Variants in DHRSX observed in about 807,000 individuals in gnomAD.
DHRSX encodes polyprenol dehydrogenase.
DHRSX carries 31 observed loss-of-function variants against 34.0 expected under a neutral mutation model. The observed-to-expected ratio is 0.91, with a 90% CI of 0.69 to 1.23. The LOEUF (loss-of-function observed/expected upper bound fraction) is 1.23. DHRSX is among the 50% of genes most tolerant of loss of function. DHRSX has a pLI of 0.00. For missense variants in DHRSX, 414 were observed against 428.1 expected (o/e 0.97, Z 0.29); for synonymous variants, 201 against 183.8 (o/e 1.09, Z -0.76).
Position 2,419,757 on chromosome X carries a change from G to A in DHRSX, c.217+5440C>T, listed in dbSNP as rs1470762327. Among the ~76,000 whole-genome samples the A allele has an allele frequency of 5.2e-5, 7 of 135,620 alleles. No homozygotes were observed. The South Asian group carries it at 7.0e-4, about 13-fold the overall frequency. 89.0% of individuals were successfully genotyped at this position (135,620 alleles called of 152,430 possible). A position where few individuals can be genotyped will look rare whatever the true frequency, so the allele number is the denominator to read the frequency against. On this transcript the variant is annotated intron_variant, in intron 2 of 6. Transcript: ENST00000334651. ...ACCGCATGTTCTCACTCATAGGTGG[G>A]AACTGAACAATGAGAACACATGGAC...
chrX:2,361,964 C>CAAGGAAGAA, intron 3 of DHRSX, among the ~76,000 whole-genome samples: 1 of 152,126 alleles, frequency 6.6e-6, no homozygotes, highest in African/African-American at 2.4e-5. Flanking sequence ...TCAATTAGTC[C>CAAGGAAGAA]TTTAATTTTC....
intron 1 of DHRSX, chrX:2,488,188 CTTT>C (rs1311421131): frequency 1.9e-5 from 3 of 159,254 alleles, no homozygotes; most frequent in African/African-American, 7.2e-5. Context: ...CTTGTGTCTT[CTTT>C]TTTCTTTTTG....
intron 3 of DHRSX, among the ~76,000 whole-genome samples, chrX:2,340,446 C>CTGTG (rs779075679): frequency 0.029 from 4,393 of 150,662 alleles, 224 homozygotes; most frequent in African/African-American, 0.1. Context: ...GTGCGTCTGT[C>CTGTG]TGTGTGTGTG....
intron 1 of DHRSX, among the ~76,000 whole-genome samples, chrX:2,496,266 T>C (rs1231453851): frequency 1.3e-5 from 2 of 152,236 alleles, no homozygotes; most frequent in African/African-American, 4.8e-5. Flanking sequence ...TGGCGCAATC[T>C]TGGCTGACTG....
At chrX:2,424,265 C>T (rs182130322) in intron 2 of DHRSX, among the ~76,000 whole-genome samples, 115 of 151,942 alleles carry the variant, frequency 7.6e-4, no homozygotes, top group African/African-American at 2.8e-3. Context: ...CTGTGGGAAA[C>T]TCAATGTCTG....
rs995887502 is a variant in DHRSX at position 2,358,430 on chromosome X, G to C, written c.286+50315C>G. 5.3e-5 allele frequency among the ~76,000 whole-genome samples: 8 copies of C among 152,254 alleles called. No homozygotes were observed. In the East Asian group the frequency reaches 1.3e-3, roughly 26 times the overall value. ...CACATGCAGCTGGCCGGGCGCGGTG[G>C]CTCACACCTGTCATCCCAGCACTTT... On this transcript the variant is annotated intron_variant, in intron 3 of 6. Coordinates refer to ENST00000334651, the MANE Select transcript of DHRSX (RefSeq NM_145177.3).
intron 2 of DHRSX, among the ~76,000 whole-genome samples, chrX:2,421,656 A>G (rs2043781758): frequency 6.6e-6 from 1 of 152,128 alleles, no homozygotes. Context: ...AATGAAGATG[A>G]GAAAACACAG....
chrX:2,346,735 G>T (rs1275736010), intron 3 of DHRSX, among the ~76,000 whole-genome samples: 1 of 151,844 alleles, frequency 6.6e-6, no homozygotes, highest in Non-Finnish European at 1.5e-5. Context: ...GTGCCATGGT[G>T]GTTTGCTGCA....
chrX:2,467,609 A>C (rs1335781800), intron 1 of DHRSX, among the ~76,000 whole-genome samples: 1 of 143,978 alleles, frequency 6.9e-6, no homozygotes, highest in Non-Finnish European at 1.5e-5. Flanking sequence ...TCCAGAGGAC[A>C]TGGAAGGTGG....
At chrX:2,451,009 C>T (rs1344891741) in intron 1 of DHRSX, among the ~76,000 whole-genome samples, 1 of 151,994 alleles carries the variant, frequency 6.6e-6, no homozygotes, top group African/African-American at 2.4e-5. Flanking sequence ...TGGGTCCCCA[C>T]CAGACACTGA....
chrX:2,405,165 G>C (rs2043536232), intron 3 of DHRSX, among the ~76,000 whole-genome samples: 1 of 152,152 alleles, frequency 6.6e-6, no homozygotes, highest in Non-Finnish European at 1.5e-5. Flanking sequence ...GCTCAGCTCT[G>C]TGTAGCGTTC....
chrX:2,356,485 A>G (rs1251963342), intron 3 of DHRSX, among the ~76,000 whole-genome samples: 1 of 152,194 alleles, frequency 6.6e-6, no homozygotes, highest in African/African-American at 2.4e-5. Context: ...GTGATTGGAG[A>G]AAAGAACATG....
chrX:2,479,954 A>G (rs756065112), intron 1 of DHRSX, among the ~76,000 whole-genome samples: 1 of 152,304 alleles, frequency 6.6e-6, no homozygotes, highest in South Asian at 2.1e-4. Flanking sequence ...AAGTCCAGAA[A>G]CGGGCCTGCG....
At chrX:2,428,121 T>C (rs749491780) in intron 1 of DHRSX, among the ~76,000 whole-genome samples, 1 of 152,258 alleles carries the variant, frequency 6.6e-6, no homozygotes, top group South Asian at 2.1e-4. Context: ...CAGGGTGGGA[T>C]GGGATGAGGG....
intron 3 of DHRSX, among the ~76,000 whole-genome samples, chrX:2,365,475 C>T (rs1478554172): frequency 6.6e-6 from 1 of 152,100 alleles, no homozygotes; most frequent in Non-Finnish European, 1.5e-5. Context: ...TTGCTTTGAC[C>T]TTTACTTCTT....
At chrX:2,487,636 T>A (rs1054012850) in intron 1 of DHRSX, 2 of 152,112 alleles carry the variant, frequency 1.3e-5, no homozygotes, top group African/African-American at 4.8e-5. Context: ...CACCGCCCAG[T>A]TTTAAGGACC....
At chrX:2,264,880 C>T (rs1215717785) in intron 5 of DHRSX, among the ~76,000 whole-genome samples, 3 of 151,058 alleles carry the variant, frequency 2.0e-5, no homozygotes, top group Admixed American at 1.3e-4. Flanking sequence ...GAGCACTATG[C>T]CGGGCACCAA....
chrX:2,221,017 C>G lies in DHRSX; in HGVS notation c.*24G>C, dbSNP rs2015507599. 1 of 1,609,110 alleles carries G rather than the reference C, an allele frequency of 6.2e-7. No homozygotes were observed. The highest frequency in any genetic ancestry group is 2.2e-5 in the East Asian group (1 of 44,864). On this transcript the variant is annotated 3_prime_UTR_variant, in exon 7 of 7. Coordinates refer to ENST00000334651, the MANE Select transcript of DHRSX (RefSeq NM_145177.3). ...GGCAGGTGCAATGTGTTTCTTGGGG[C>G]AGCAGCTATCCTGAGACAGGATATC...
chrX:2,366,164 G>A (rs1220582336), intron 3 of DHRSX, among the ~76,000 whole-genome samples: 2 of 152,066 alleles, frequency 1.3e-5, no homozygotes, highest in Non-Finnish European at 2.9e-5. Context: ...AAAATAGGCC[G>A]GGTGTGGTGG....
Sources: allele counts gnomAD v4.1 joint callset (sites outside exome capture counted in the v4.1 genomes callset), GRCh38; gene constraint gnomAD v4.1.1; transcripts MANE v1.5; gene names NCBI Gene and HGNC (gene_info 2026-07-23, HGNC 2026-07-21).